NELL1: variants seen among roughly 807,000 people sequenced by gnomAD.
The protein encoded by NELL1 is neural EGFL like 1, also known as protein kinase C-binding protein NELL1.
Under a neutral mutation model 107.4 loss-of-function variants are expected in NELL1, and 76 were observed. That is an observed-to-expected ratio of 0.71 (90% confidence interval 0.59 to 0.86). NELL1 has a LOEUF of 0.86. Among genes scored for constraint, NELL1 ranks in the 40% least tolerant of loss-of-function variants. The probability of loss-of-function intolerance (pLI) is 0.00; values close to 1 mark genes in which losing one functional copy is unlikely to be tolerated. For synonymous variants in NELL1, 353 were observed against 341.2 expected (o/e 1.03, Z -0.38); for missense variants, 1,024 against 1,005.5 (o/e 1.02, Z -0.25).
chr11:21,164,508 G>A (rs2133804398), intron 13 of NELL1, among the ~76,000 whole-genome samples: 1 of 152,204 alleles, frequency 6.6e-6, no homozygotes, highest in South Asian at 2.1e-4. Flanking sequence ...TAGCCAAAGT[G>A]ACATTTATTG....
chr11:20,881,756 A>G (rs1045119500), intron 4 of NELL1, among the ~76,000 whole-genome samples: 1 of 151,918 alleles, frequency 6.6e-6, no homozygotes, highest in South Asian at 2.1e-4. Flanking sequence ...ATTGAATTTA[A>G]TGCATTGAAT....
intron 15 of NELL1, among the ~76,000 whole-genome samples, chr11:21,454,487 T>C (rs181336522): frequency 1.9e-3 from 296 of 152,328 alleles, no homozygotes; most frequent in African/African-American, 6.6e-3. Flanking sequence ...GTTTTTCTCA[T>C]ATATTTCATT....
intron 14 of NELL1, among the ~76,000 whole-genome samples, chr11:21,301,931 A>G (rs1269969774): frequency 1.3e-5 from 2 of 152,040 alleles, no homozygotes; most frequent in African/African-American, 4.8e-5. Flanking sequence ...TACTCCATCA[A>G]TGAAGAAATT....
At chr11:20,706,814 TTTCC>T (rs1461097753) in intron 2 of NELL1, among the ~76,000 whole-genome samples, 1 of 152,210 alleles carries the variant, frequency 6.6e-6, no homozygotes, top group Admixed American at 6.5e-5. Context: ...CTTAATATTT[TTTCC>T]TTCATTTCAC....
intron 15 of NELL1, among the ~76,000 whole-genome samples, chr11:21,527,868 C>T (rs188884128): frequency 2.8e-4 from 42 of 152,298 alleles, no homozygotes; most frequent in Middle Eastern, 3.4e-3. Context: ...CGTTCCTCTG[C>T]CTGCTTTTAT....
chr11:21,364,026 T>A (rs1851151157), intron 14 of NELL1, among the ~76,000 whole-genome samples: 1 of 152,184 alleles, frequency 6.6e-6, no homozygotes, highest in South Asian at 2.1e-4. Flanking sequence ...TATACCTACA[T>A]TCATGGAAGA....
rs908084881 is a variant in NELL1 at position 20,711,287 on chromosome 11, G to T, written c.184+33227G>T. Among the ~76,000 whole-genome samples the T allele has an allele frequency of 3.3e-5, 5 of 152,116 alleles. 1 individual carries two copies. In the South Asian group the frequency reaches 6.2e-4, roughly 19 times the overall value. On this transcript the variant is annotated intron_variant, in intron 2 of 19. Transcript: ENST00000357134. ...TAGTGTGAGTCCTTAGGTGTTAGAT[G>T]AGTCTCTCAAACAGTGGATACTTGG...
intron 3 of NELL1, among the ~76,000 whole-genome samples, chr11:20,811,904 G>GT (rs1432470148): frequency 6.6e-6 from 1 of 151,924 alleles, no homozygotes; most frequent in African/African-American, 2.4e-5. Flanking sequence ...AATTTTCTCT[G>GT]TTTTAGCTTG....
At chr11:21,432,651 G>A (rs886450246) in intron 15 of NELL1, among the ~76,000 whole-genome samples, 1 of 152,258 alleles carries the variant, frequency 6.6e-6, no homozygotes, top group East Asian at 1.9e-4. Flanking sequence ...TGGGGAGATT[G>A]GAAGGAAATA....
chr11:21,158,036 G>A (rs1856282543), intron 13 of NELL1, among the ~76,000 whole-genome samples: 1 of 152,134 alleles, frequency 6.6e-6, no homozygotes, highest in African/African-American at 2.4e-5. Flanking sequence ...TCATCTGCCA[G>A]TGTGGCTAGG....
chr11:20,704,882 A>G (rs1854900277), intron 2 of NELL1, among the ~76,000 whole-genome samples: 1 of 152,230 alleles, frequency 6.6e-6, no homozygotes, highest in Admixed American at 6.5e-5. Flanking sequence ...ACAAACAGAG[A>G]GCCAAATCAT....
At chr11:21,449,388 T>C (rs1223426761) in intron 15 of NELL1, among the ~76,000 whole-genome samples, 1 of 152,192 alleles carries the variant, frequency 6.6e-6, no homozygotes, top group Non-Finnish European at 1.5e-5. Context: ...TTTGCAACTC[T>C]TCTCATTGTT....
At chr11:21,330,350 CCATTTGGGGGT>C (rs1479981742) in intron 14 of NELL1, among the ~76,000 whole-genome samples, 1 of 152,022 alleles carries the variant, frequency 6.6e-6, no homozygotes, top group Non-Finnish European at 1.5e-5. Flanking sequence ...GAATAGAATT[CCATTTGGGGGT>C]CAGTTGGTTT....
intron 15 of NELL1, among the ~76,000 whole-genome samples, chr11:21,436,341 C>T (rs1590930974): frequency 6.6e-6 from 1 of 152,304 alleles, no homozygotes; most frequent in South Asian, 2.1e-4. Context: ...GCATGAACCA[C>T]TGTGCTCAGC....
chr11:21,342,655 AAAAG>A (rs1276790825), intron 14 of NELL1, among the ~76,000 whole-genome samples: 22 of 147,964 alleles, frequency 1.5e-4, no homozygotes, highest in Non-Finnish European at 2.4e-4. Context: ...AAAAAAAAAA[AAAAG>A]AAAAAGAAAA....
At chr11:21,527,408 C>T (rs919519683) in intron 15 of NELL1, among the ~76,000 whole-genome samples, 9 of 152,124 alleles carry the variant, frequency 5.9e-5, no homozygotes, top group African/African-American at 1.7e-4. Context: ...CTTTTGAGCC[C>T]TCCAAAGTGT....
At chr11:21,317,605 C>T (rs527724870) in intron 14 of NELL1, among the ~76,000 whole-genome samples, 34 of 151,748 alleles carry the variant, frequency 2.2e-4, no homozygotes, top group African/African-American at 3.1e-4. Flanking sequence ...CCCTTCCTTG[C>T]GGCATTTGAC....
At chr11:20,840,542 G>A (rs979171749) in intron 3 of NELL1, among the ~76,000 whole-genome samples, 3 of 152,184 alleles carry the variant, frequency 2.0e-5, no homozygotes, top group Non-Finnish European at 4.4e-5. Flanking sequence ...ATCCCAGTTG[G>A]GGTTGTCAAC....
rs749810613 is a variant in NELL1, at chr11:20,847,651, C to G, written c.404C>G (p.Pro135Arg). ...TATCACTACATACACAATGGGAAGC[C>G]AAGGACAGAGGCACTTCCTTACCGC... ...IRYHYIHNGK[P>R]RTEALPYRMA... Residue 135 changes from proline (P) to arginine (R), a missense_variant, in exon 4 of 20, where the codon CCA (proline) becomes CGA (arginine). Physicochemically the swap from Pro to Arg is moderately radical, Grantham distance 103. Coordinates refer to ENST00000357134, the MANE Select transcript of NELL1 (RefSeq NM_006157.5). The G allele has an allele frequency of 6.2e-7, 1 of 1,613,858 alleles. No homozygotes were observed. Among genetic ancestry groups the G allele is most frequent in the Non-Finnish European group, 8.5e-7 (1 of 1,179,858 alleles).
Sources: gnomAD v4.1 joint callset for allele counts (sites outside exome capture counted in the v4.1 genomes callset) on GRCh38, gnomAD v4.1.1 for gene constraint, MANE v1.5 for transcripts, NCBI Gene and HGNC (gene_info 2026-07-23, HGNC 2026-07-21) for gene names.